The following SEMA3A variants were observed in gnomAD, a reference collection of about 807,000 sequenced individuals.
SEMA3A encodes the protein semaphorin 3A.
In SEMA3A, 29 loss-of-function variants were observed where a neutral mutation model predicts 97.9. The ratio of observed to expected loss-of-function variants is 0.30; its 90% CI spans 0.22 to 0.40. SEMA3A has a LOEUF of 0.40. SEMA3A is among the 10% of genes least tolerant of loss of function. The probability of loss-of-function intolerance (pLI) is 1.00; values close to 1 mark genes in which losing one functional copy is unlikely to be tolerated. For missense variants in SEMA3A, 763 were observed against 951.3 expected (o/e 0.80, Z 2.60); for synonymous variants, 321 against 323.7 (o/e 0.99, Z 0.09).
chr7:84,308,039 G>T (rs1480916572), intron 2 of SEMA3A, among the ~76,000 whole-genome samples: 1 of 151,850 alleles, frequency 6.6e-6, no homozygotes, highest in East Asian at 1.9e-4. Context: ...AGTATGCAAT[G>T]GAGATTCATT....
At chr7:84,351,320 G>A (rs980053543) in intron 2 of SEMA3A, among the ~76,000 whole-genome samples, 48 of 151,990 alleles carry the variant, frequency 3.2e-4, no homozygotes, top group Admixed American at 1.9e-3. Flanking sequence ...CACACCTTGC[G>A]TAAGCCTTTG....
At chr7:84,015,411 T>C (rs1791059202) in intron 6 of SEMA3A, among the ~76,000 whole-genome samples, 1 of 152,152 alleles carries the variant, frequency 6.6e-6, no homozygotes, top group Admixed American at 6.5e-5. Flanking sequence ...AGAGCTCCAC[T>C]TCAAACAGTA....
intron 3 of SEMA3A, among the ~76,000 whole-genome samples, chr7:84,121,277 T>C (rs965983802): frequency 6.6e-6 from 1 of 152,096 alleles, no homozygotes; most frequent in Non-Finnish European, 1.5e-5. Flanking sequence ...TTGTTACATA[T>C]GTATACATGT....
intron 3 of SEMA3A, among the ~76,000 whole-genome samples, chr7:84,269,881 G>A (rs1562880086): frequency 6.6e-6 from 1 of 151,932 alleles, no homozygotes; most frequent in African/African-American, 2.4e-5. Context: ...AACACATTAA[G>A]TAATCATTTT....
chr7:84,242,135 C>T (rs926366192), intron 3 of SEMA3A, among the ~76,000 whole-genome samples: 2 of 151,850 alleles, frequency 1.3e-5, no homozygotes, highest in Non-Finnish European at 1.5e-5. Flanking sequence ...TCAGATGAAA[C>T]TTAAAGTAGT....
rs1805729182 is a variant in SEMA3A, at chr7:84,458,036, CTT to C, written c.-246+34422_-246+34423del. On this transcript the variant is annotated intron_variant, in intron 1 of 3. Coordinates refer to the SEMA3A transcript ENST00000424555. Reference sequence around the variant, plus strand: ...TACTTCCACTGACCCATTATGAAGTCTTAGGTAAGACTTTATGTTTACAACCT... The same window carrying C: ...TACTTCCACTGACCCATTATGAAGTCAGGTAAGACTTTATGTTTACAACCT... 3.9e-5 allele frequency among the ~76,000 whole-genome samples: 6 copies of C among 151,972 alleles called. No homozygotes were observed. The South Asian group carries it at 1.2e-3, about 32-fold the overall frequency.
intron 4 of SEMA3A, among the ~76,000 whole-genome samples, chr7:84,083,145 A>T (rs1183535747): frequency 6.6e-6 from 1 of 151,826 alleles, no homozygotes; most frequent in African/African-American, 2.4e-5. Context: ...AAGATTTCCT[A>T]TCTTTAAATT....
intron 4 of SEMA3A, among the ~76,000 whole-genome samples, chr7:84,107,811 T>C (rs1444486747): frequency 6.6e-6 from 1 of 152,182 alleles, no homozygotes; most frequent in African/African-American, 2.4e-5. Context: ...AAGAATAGCA[T>C]ATGGCATTTT....
chr7:84,179,938 G>A (rs1302421755), intron 1 of SEMA3A, among the ~76,000 whole-genome samples: 1 of 141,238 alleles, frequency 7.1e-6, no homozygotes, highest in African/African-American at 2.7e-5. Context: ...AGTATGTTTA[G>A]TCAATGCATC....
intron 4 of SEMA3A, among the ~76,000 whole-genome samples, chr7:84,104,732 T>C (rs1490175024): frequency 2.0e-5 from 3 of 152,146 alleles, no homozygotes; most frequent in Non-Finnish European, 4.4e-5. Context: ...GTCTTACTGA[T>C]AATATTTAGA....
intron 1 of SEMA3A, among the ~76,000 whole-genome samples, chr7:84,432,860 ATTTTTT>A: frequency 7.2e-6 from 1 of 138,930 alleles, no homozygotes; most frequent in African/African-American, 2.6e-5. Context: ...ACAAATGTGA[ATTTTTT>A]TTTTTTTTTT....
At chr7:84,206,319 CA>C (rs1409695548) in intron 3 of SEMA3A, among the ~76,000 whole-genome samples, 1 of 141,892 alleles carries the variant, frequency 7.0e-6, no homozygotes, top group East Asian at 2.1e-4. Flanking sequence ...ACCAAGATGG[CA>C]TTTTTTTTTT....
intron 1 of SEMA3A, among the ~76,000 whole-genome samples, chr7:84,416,084 A>C (rs1242038125): frequency 6.6e-6 from 1 of 152,084 alleles, no homozygotes; most frequent in Non-Finnish European, 1.5e-5. Flanking sequence ...CTAATTTTAA[A>C]AGCCTCTAAA....
At chr7:84,372,952 G>A (rs1342631248) in intron 1 of SEMA3A, among the ~76,000 whole-genome samples, 1 of 152,104 alleles carries the variant, frequency 6.6e-6, no homozygotes, top group Non-Finnish European at 1.5e-5. Flanking sequence ...TTGCAAATAG[G>A]ATGATGTAAA....
intron 1 of SEMA3A, among the ~76,000 whole-genome samples, chr7:84,481,504 T>C (rs1370368405): frequency 6.6e-6 from 1 of 152,188 alleles, no homozygotes; most frequent in Non-Finnish European, 1.5e-5. Context: ...AGAAAAAAGA[T>C]CTGGCATAAA....
chr7:84,366,429 A>C (rs1446612411), intron 2 of SEMA3A, among the ~76,000 whole-genome samples: 1 of 151,500 alleles, frequency 6.6e-6, no homozygotes, highest in Non-Finnish European at 1.5e-5. Context: ...TAATATTAAA[A>C]TTATAAATGA....
intron 3 of SEMA3A, among the ~76,000 whole-genome samples, chr7:84,245,089 T>C (rs1294264049): frequency 1.3e-5 from 2 of 152,154 alleles, no homozygotes; most frequent in Non-Finnish European, 2.9e-5. Context: ...TCTCGAGGAA[T>C]ATCTTTGTGG....
At chr7:84,255,263 T>G (rs1296333929) in intron 3 of SEMA3A, among the ~76,000 whole-genome samples, 1 of 152,190 alleles carries the variant, frequency 6.6e-6, no homozygotes, top group Non-Finnish European at 1.5e-5. Flanking sequence ...GCGTATATAT[T>G]ATCTCTGTTA....
At chr7:84,309,069 C>G (rs1458543747) in intron 2 of SEMA3A, among the ~76,000 whole-genome samples, 1 of 152,026 alleles carries the variant, frequency 6.6e-6, no homozygotes, top group African/African-American at 2.4e-5. Flanking sequence ...CCGCCTGCCT[C>G]GGCCTTCAAA....
Sources: allele counts gnomAD v4.1 joint callset (sites outside exome capture counted in the v4.1 genomes callset), GRCh38; gene constraint gnomAD v4.1.1; transcripts MANE v1.5; gene names NCBI Gene and HGNC (gene_info 2026-07-23, HGNC 2026-07-21).